The following SYNC variants were observed in gnomAD, a reference collection of about 807,000 sequenced individuals.
The protein encoded by SYNC is syncoilin.
SYNC carries 38 observed loss-of-function variants against 49.5 expected under a neutral mutation model. The ratio of observed to expected loss-of-function variants is 0.77; its 90% CI spans 0.59 to 1.01. The LOEUF (loss-of-function observed/expected upper bound fraction) is 1.01. Ranked by LOEUF, SYNC falls within the 50% of genes least tolerant of loss-of-function variation. SYNC has a pLI of 0.00. For missense variants in SYNC, 579 were observed against 580.6 expected, an observed-to-expected ratio of 1.00 and a Z score of 0.03; for synonymous variants, 201 against 230.8, an observed-to-expected ratio of 0.87 and a Z score of 1.17.
chr1:32,687,861 A>ATTATTATTATTTTTTTTTTTTTTT (rs1280120903), intron 2 of SYNC, among the ~76,000 whole-genome samples: 1 of 146,440 alleles, frequency 6.8e-6, no homozygotes, highest in African/African-American at 2.5e-5. Flanking sequence ...TATTATTATT[A>ATTATTATTATTTTTTTTTTTTTTT]TTTTTTGAGA....
chr1:32,687,670 C>CA (rs58420507), intron 2 of SYNC, among the ~76,000 whole-genome samples: 119,925 of 141,740 alleles, frequency 0.85, 52,232 homozygotes, highest in Non-Finnish European at 0.96. Context: ...GGCTCCGTCT[C>CA]AAAAAAAAAA....
chr1:32,691,579 A>G (rs1206516198), intron 2 of SYNC, among the ~76,000 whole-genome samples: 1 of 151,454 alleles, frequency 6.6e-6, no homozygotes, highest in Non-Finnish European at 1.5e-5. Context: ...GTAGCAAGGC[A>G]ATCATGTTAC....
In SYNC at chr1:32,695,213, A is replaced by G. The variant is rs1650355881; in HGVS notation, c.885T>C (p.Tyr295=). ...GCCGCAGCTGCTCCTTCTGCTTCTG[A>G]TAGGCATCCCGGAGCTGGGCCAGTT... The part of the protein sequence containing the change: ...SEELAQLRDA[Y]QKQKEQLRQQ... Residue 295 remains tyrosine, a synonymous_variant, in exon 2 of 5, where the codon TAT becomes TAC. Coordinates refer to ENST00000409190, the MANE Select transcript of SYNC (RefSeq NM_030786.3). 6.4e-7 allele frequency: 1 copy of G among 1,554,930 alleles called. No individual in the cohort carries two copies. Among genetic ancestry groups the G allele is most frequent in the Admixed American group, 2.0e-5 (1 of 51,120 alleles).
chr1:32,681,627 C>T lies in SYNC; in HGVS notation c.*223G>A. Reference sequence around the variant, plus strand: ...GGTGCATTGAGATCAGTATCAACAGCAGATGAAATAGAATCCAGCAAAGAG... The same window carrying T: ...GGTGCATTGAGATCAGTATCAACAGTAGATGAAATAGAATCCAGCAAAGAG... On this transcript the variant is annotated 3_prime_UTR_variant, in exon 5 of 5. Coordinates refer to ENST00000409190, the MANE Select transcript of SYNC (RefSeq NM_030786.3). 3.1e-6 allele frequency: 2 copies of T among 640,020 alleles called. No individual in the cohort carries two copies. Among genetic ancestry groups the T allele is most frequent in the South Asian group, 2.0e-5 (1 of 50,498 alleles). The allele number at this position is 640,020 out of a possible 1,614,324, so 39.6% of individuals were successfully genotyped here.
At chr1:32,687,833 A>AATT (rs148661520) in intron 2 of SYNC, among the ~76,000 whole-genome samples, 1,169 of 38,222 alleles carry the variant, frequency 0.031, 31 homozygotes, top group African/African-American at 0.05. Context: ...CTGCCCAGTG[A>AATT]ATTATTATTA....
In SYNC at chr1:32,680,685, A is replaced by G; in HGVS notation, c.*1165T>C. Reference sequence around the variant, plus strand: ...GCTGATGGGTTTTATTTAGTATAAAACATCCATCAAACACCAGTCTCTGGC... The same window carrying G: ...GCTGATGGGTTTTATTTAGTATAAAGCATCCATCAAACACCAGTCTCTGGC... On this transcript the variant is annotated 3_prime_UTR_variant, in exon 5 of 5. Coordinates refer to ENST00000409190, the MANE Select transcript of SYNC (RefSeq NM_030786.3). 1.3e-6 allele frequency: 1 copy of G among 748,552 alleles called. No homozygotes were observed. The highest frequency in any genetic ancestry group is 2.1e-6 in the Non-Finnish European group (1 of 472,438). 46.4% of individuals were successfully genotyped at this position (748,552 alleles called of 1,614,324 possible). A position where few individuals can be genotyped will look rare whatever the true frequency, so the allele number is the denominator to read the frequency against.
chr1:32,687,905 G>A (rs1484974403), intron 2 of SYNC, among the ~76,000 whole-genome samples: 6 of 136,266 alleles, frequency 4.4e-5, no homozygotes, highest in African/African-American at 1.3e-4. Context: ...GCTGGAGTGC[G>A]CTGGCACCAT....
chr1:32,692,263 C>T (rs10914595), intron 2 of SYNC, among the ~76,000 whole-genome samples: 16,812 of 152,044 alleles, frequency 0.11, 1,721 homozygotes, highest in African/African-American at 0.26. Context: ...CATCATCTAT[C>T]CCACAGCCCT....
intron 2 of SYNC, among the ~76,000 whole-genome samples, chr1:32,689,935 G>A (rs1281312658): frequency 3.1e-5 from 2 of 65,048 alleles, no homozygotes; most frequent in Non-Finnish European, 7.1e-5. Context: ...GTGAGACACC[G>A]TCACAAAAAA....
At position 32,680,503 on chromosome 1, in the gene SYNC, T is replaced by A. The variant is rs1424801047; in HGVS notation, c.*1347A>T. The A allele has an allele frequency of 1.2e-5, 18 of 1,541,878 alleles. No individual in the cohort carries two copies. The highest frequency in any genetic ancestry group is 1.6e-5 in the Non-Finnish European group (18 of 1,143,930). On this transcript the variant is annotated 3_prime_UTR_variant, in exon 5 of 5. Transcript: ENST00000409190. ...TTTTAAAAATTAAATTAATCCTTGATAAGAGTTGCTTTTTTTTTTTAGGAG... is the reference window on the plus strand; with the variant it reads ...TTTTAAAAATTAAATTAATCCTTGAAAAGAGTTGCTTTTTTTTTTTAGGAG...
In SYNC at chr1:32,681,752, C is replaced by T. The variant is rs534443153; in HGVS notation, c.*98G>A. 3.7e-6 allele frequency: 6 copies of T among 1,604,952 alleles called. No homozygotes were observed. The East Asian group carries it at 1.3e-4, about 36-fold the overall frequency. ...TGAATTGCTTGCCAAGTTTCTGGCA[C>T]TCTTGTCTGGTTGGAAGAGTACATC... On this transcript the variant is annotated 3_prime_UTR_variant, in exon 5 of 5. Coordinates refer to ENST00000409190, the MANE Select transcript of SYNC (RefSeq NM_030786.3).
At chr1:32,689,371 T>A (rs556170535) in intron 2 of SYNC, among the ~76,000 whole-genome samples, 1 of 150,252 alleles carries the variant, frequency 6.7e-6, no homozygotes, top group East Asian at 2.0e-4. Context: ...CCTGAGTAGC[T>A]GGGATTACAG....
At chr1:32,699,884 C>A (rs1650600237) in intron 1 of SYNC, among the ~76,000 whole-genome samples, 1 of 151,952 alleles carries the variant, frequency 6.6e-6, no homozygotes, top group Non-Finnish European at 1.5e-5. Flanking sequence ...AGGCGCCCAC[C>A]ACCATGCCTG....
rs749835435 is a variant in SYNC, at chr1:32,694,954, C to T, written c.1144G>A (p.Ala382Thr). The change falls in exon 2 of 5, where the codon GCC (alanine) becomes ACC (threonine). Residue 382 changes from alanine (A) to threonine (T), a missense_variant. By Grantham distance (58) the Ala-to-Thr change is moderately conservative. Transcript: ENST00000409190. ...CTGTTTTGCAGGCGGAGCTGCCGGG[C>T]CTCTGCTTGCAGGGGTCTCAGAGCC... ...KEALRPLQAE[A>T]RQLRLQNRNL... 74 of 1,614,016 alleles carry T rather than the reference C, an allele frequency of 4.6e-5. No individual in the cohort carries two copies. The Admixed American group carries it at 7.7e-4, about 17-fold the overall frequency.
rs1570932910 is a variant in SYNC, at chr1:32,702,137, A to C, written c.53+471T>G. 1.3e-5 allele frequency among the ~76,000 whole-genome samples: 2 copies of C among 152,058 alleles called. 1 individual carries two copies. Among genetic ancestry groups the C allele is most frequent in the South Asian group, 4.1e-4 (2 of 4,822 alleles). ...GGGAGGGCCCCTGGACCCTTCCCCC[A>C]CCCATCCCAGGCCAGACGGGAGAGA... On this transcript the variant is annotated intron_variant, in intron 1 of 4. Coordinates refer to ENST00000409190, the MANE Select transcript of SYNC (RefSeq NM_030786.3). This position sits in a 1 kb window ranked among gnomAD's most constrained non-coding sequence, Gnocchi z 6.2.
In SYNC at chr1:32,681,972, T is replaced by C. The variant is rs563297663; in HGVS notation, c.1439-112A>G. 5 of 946,614 alleles carry C rather than the reference T, an allele frequency of 5.3e-6. No homozygotes were observed. The East Asian group carries it at 7.4e-5, about 14-fold the overall frequency. The allele number at this position is 946,614 out of a possible 1,614,324, so 58.6% of individuals were successfully genotyped here. On this transcript the variant is annotated intron_variant, in intron 4 of 4. Transcript: ENST00000409190. The stretch of plus-strand genomic sequence containing the variant: ...TGATTTATGGATGATCAGGGATGAC[T>C]TTCCCCTAGCAAATATTTGGATGCC...
Position 32,702,710 on chromosome 1 carries a change from G to T in SYNC, c.-50C>A. 1 of 1,128,110 alleles carries T rather than the reference G, an allele frequency of 8.9e-7. No homozygotes were observed. Among genetic ancestry groups the T allele is most frequent in the African/African-American group, 1.6e-5 (1 of 60,662 alleles). 69.9% of individuals were successfully genotyped at this position (1,128,110 alleles called of 1,614,324 possible). ...CCGCGTTATTAATAGCCGGGCCCGC[G>T]GGCCCCTCGCTCCGGCGCCCGCGCC... On this transcript the variant is annotated 5_prime_UTR_variant, in exon 1 of 5. Transcript: ENST00000409190. The surrounding 1 kb of genome is among the most constrained non-coding windows in gnomAD (Gnocchi z 6.2).
chr1:32,702,692 A>G lies in SYNC; in HGVS notation c.-32T>C. ...GCGACCCCGGGCTGGCGGCCGCGTTATTAATAGCCGGGCCCGCGGGCCCCT... is the reference window on the plus strand; with the variant it reads ...GCGACCCCGGGCTGGCGGCCGCGTTGTTAATAGCCGGGCCCGCGGGCCCCT... On this transcript the variant is annotated 5_prime_UTR_variant, in exon 1 of 5. Transcript: ENST00000409190. The surrounding 1 kb of genome is among the most constrained non-coding windows in gnomAD (Gnocchi z 6.2). 8.7e-7 allele frequency: 1 copy of G among 1,155,540 alleles called. No homozygotes were observed. Among genetic ancestry groups the G allele is most frequent in the African/African-American group, 1.6e-5 (1 of 61,302 alleles). The allele number at this position is 1,155,540 out of a possible 1,614,324, so 71.6% of individuals were successfully genotyped here. A position where few individuals can be genotyped will look rare whatever the true frequency, so the allele number is the denominator to read the frequency against.
intron 2 of SYNC, among the ~76,000 whole-genome samples, chr1:32,692,047 A>G (rs2148556286): frequency 6.6e-6 from 1 of 152,232 alleles, no homozygotes; most frequent in Non-Finnish European, 1.5e-5. Context: ...CCTGGCTAAC[A>G]CGGTGAAACC....
Sources: gnomAD v4.1 joint callset for allele counts (sites outside exome capture counted in the v4.1 genomes callset) on GRCh38, gnomAD v4.1.1 for gene constraint, Gnocchi (gnomAD v3.1) non-coding constraint, MANE v1.5 for transcripts, NCBI Gene and HGNC (gene_info 2026-07-23, HGNC 2026-07-21) for gene names.